The following XPNPEP2 variants were observed in gnomAD, a reference collection of about 807,000 sequenced individuals.
The protein encoded by XPNPEP2 is xaa-Pro aminopeptidase 2.
Under a neutral mutation model 59.8 loss-of-function variants are expected in XPNPEP2, and 64 were observed. The observed-to-expected ratio is 1.07, with a 90% CI of 0.87 to 1.32. The LOEUF (loss-of-function observed/expected upper bound fraction) is 1.32. XPNPEP2 is among the 40% of genes most tolerant of loss of function. The probability of loss-of-function intolerance (pLI) is 0.00; values close to 1 mark genes in which losing one functional copy is unlikely to be tolerated. For missense variants in XPNPEP2, 575 were observed against 546.8 expected, an observed-to-expected ratio of 1.05 and a Z score of -0.51; for synonymous variants, 235 against 210.0, an observed-to-expected ratio of 1.12 and a Z score of -1.03.
chrX:129,740,665 C>T (rs986153755), intron 1 of XPNPEP2, among the ~76,000 whole-genome samples: 4 of 105,599 alleles, frequency 3.8e-5, no homozygotes, highest in East Asian at 5.9e-4. Flanking sequence ...GGGCGTTGGG[C>T]GCAGTGGCTC....
At chrX:129,758,299 G>C (rs1926593572) in intron 14 of XPNPEP2, among the ~76,000 whole-genome samples, 1 of 111,631 alleles carries the variant, frequency 9.0e-6, no homozygotes, top group African/African-American at 3.3e-5. Context: ...AAGTGAATTT[G>C]TGGGGGCGTT....
At chrX:129,759,127 G>GGCCCCAGTCCCTA (rs1926609333) in intron 14 of XPNPEP2, 53 bp from the exon 15 acceptor site, 1 of 1,193,903 alleles carries the variant, frequency 8.4e-7, no homozygotes, top group Non-Finnish European at 1.1e-6. Context: ...GAAAGCACAT[G>GGCCCCAGTCCCTA]GCCCCAGTCC....
intron 12 of XPNPEP2, 56 bp from the exon 13 acceptor site, chrX:129,755,238 G>T: frequency 9.0e-7 from 1 of 1,112,842 alleles, no homozygotes; most frequent in Non-Finnish European, 1.2e-6. Context: ...GATATCCCGG[G>T]CCCAGCCTAG....
intron 20 of XPNPEP2, among the ~76,000 whole-genome samples, chrX:129,768,052 G>A (rs1926784737): frequency 9.0e-6 from 1 of 110,913 alleles, no homozygotes; most frequent in Non-Finnish European, 1.9e-5. Flanking sequence ...CCCATTCCCG[G>A]GCCTGAAATC....
chrX:129,740,472 C>T (rs1331348945), intron 1 of XPNPEP2, among the ~76,000 whole-genome samples: 1 of 108,242 alleles, frequency 9.2e-6, no homozygotes, highest in African/African-American at 3.4e-5. Flanking sequence ...ATTAAAATTA[C>T]AAAAATTAGC....
intron 3 of XPNPEP2, among the ~76,000 whole-genome samples, chrX:129,744,285 A>G (rs1328152096): frequency 8.9e-6 from 1 of 112,141 alleles, no homozygotes; most frequent in Non-Finnish European, 1.9e-5. Context: ...CCTTAACCTC[A>G]AGAAATTAAA....
At chrX:129,761,716 C>T (rs1255037678) in intron 17 of XPNPEP2, among the ~76,000 whole-genome samples, 1 of 111,599 alleles carries the variant, frequency 9.0e-6, no homozygotes, top group Non-Finnish European at 1.9e-5. Context: ...CCTGGCTACT[C>T]GGGAGGCTGA....
At position 129,747,690 on chromosome X, in the gene XPNPEP2, T is replaced by TG; in HGVS notation, c.578dup (p.Ser194IlefsTer50). 4 of 1,212,086 alleles carry TG rather than the reference T, an allele frequency of 3.3e-6. No individual in the cohort carries two copies. Among genetic ancestry groups the TG allele is most frequent in the Non-Finnish European group, 4.5e-6 (4 of 895,623 alleles). On this transcript the variant is annotated frameshift_variant, in exon 7 of 21. Transcript: ENST00000371106. LOFTEE classifies it high-confidence loss of function. ...CACAACCAATCTTGTGGACCTGGTA[T>TG]GGGGATCAGAGAGGCCACCGGTTCC...
chrX:129,751,583 AAAGAAAGAAAGAAAGGAAGG>A (rs1358171610), intron 8 of XPNPEP2, among the ~76,000 whole-genome samples, 142 bp from the exon 9 acceptor site: 202 of 73,435 alleles, frequency 2.8e-3, no homozygotes, highest in African/African-American at 0.01. Flanking sequence ...AGAAAGAAAG[AAAGAAAGAAAGAAAGGAAGG>A]AAGGAAGGAA....
Position 129,762,063 on chromosome X carries a change from T to C in XPNPEP2, c.1661T>C (p.Ile554Thr), listed in dbSNP as rs752849656. 50 of 1,209,786 alleles carry C rather than the reference T, an allele frequency of 4.1e-5. No homozygotes were observed. Among genetic ancestry groups the C allele is most frequent in the South Asian group, 5.3e-5 (3 of 56,828 alleles). The change falls in exon 18 of 21, where the codon ATT becomes ACT. Residue 554 changes from isoleucine (I) to threonine (T), a missense_variant and splice_region_variant. Ile to Thr is a moderately conservative substitution (Grantham distance 89, BLOSUM62 -1). Transcript: ENST00000371106. ...IAMAKGMFTS[I>T]EPGYYKDGEF... ...ATGGCCAAGGGCATGTTCACTTCCA[T>C]TGGTATGGCCCTCAGGCCCCTCTAC...
intron 14 of XPNPEP2, among the ~76,000 whole-genome samples, chrX:129,758,230 C>T (rs941337203): frequency 8.9e-6 from 1 of 111,889 alleles, no homozygotes; most frequent in Non-Finnish European, 1.9e-5. Context: ...AGCTTAGCAG[C>T]CTTTGCTGGT....
chrX:129,747,669 A>G lies in XPNPEP2; in HGVS notation c.553A>G (p.Thr185Ala), dbSNP rs765255847. Residue 185 changes from threonine (T) to alanine (A), a missense_variant, in exon 7 of 21, where the codon ACC becomes GCC. By Grantham distance (58) the Thr-to-Ala change is moderately conservative (BLOSUM62 0). Transcript: ENST00000371106. ...TAACAGACAGCTGGTGTCCATCACA[A>G]CCAATCTTGTGGACCTGGTATGGGG... ...GSNRQLVSITTNLVDLVWGSE... is the reference protein window; with the variant it reads ...GSNRQLVSITANLVDLVWGSE... 4.1e-6 allele frequency: 5 copies of G among 1,210,746 alleles called. No homozygotes were observed. The highest frequency in any genetic ancestry group is 4.5e-6 in the Non-Finnish European group (4 of 895,403).
intron 8 of XPNPEP2, among the ~76,000 whole-genome samples, chrX:129,751,028 C>G (rs977752747): frequency 1.8e-5 from 2 of 109,720 alleles, no homozygotes; most frequent in Non-Finnish European, 3.8e-5. Context: ...TGTGTGCTGA[C>G]TGCTAAGTAT....
At position 129,740,652 on chromosome X, in the gene XPNPEP2, G is replaced by A. The variant is rs762536263; in HGVS notation, c.49+1390G>A. Among the ~76,000 whole-genome samples the A allele has an allele frequency of 3.8e-5, 4 of 106,563 alleles. No homozygotes were observed. The South Asian group carries it at 1.6e-3, about 44-fold the overall frequency. The allele number at this position is 106,563 out of a possible 115,157, so 92.5% of individuals were successfully genotyped here. ...TCAAAAAAAAAAAAAATGCGGGCGC[G>A]GGGGGCGTTGGGCGCAGTGGCTCAC... On this transcript the variant is annotated intron_variant, in intron 1 of 20. Coordinates refer to ENST00000371106, the MANE Select transcript of XPNPEP2 (RefSeq NM_003399.6).
Position 129,756,486 on chromosome X carries a change from C to T in XPNPEP2, c.1298C>T (p.Pro433Leu), listed in dbSNP as rs1024867039. ...GLNAALAHYSPTKELNRKLSS... is the reference protein window; with the variant it reads ...GLNAALAHYSLTKELNRKLSS... ...TCAACATTCTCTCCCCTTCTCAGCC[C>T]GACCAAGGAGCTGAACCGCAAGCTG... The change falls in exon 14 of 21, where the codon CCG becomes CTG. Residue 433 changes from proline to leucine, a missense_variant and splice_region_variant. Physicochemically the swap from Pro to Leu is moderately conservative, Grantham distance 98 (BLOSUM62 -3). Transcript: ENST00000371106. The T allele has an allele frequency of 2.5e-6, 3 of 1,211,309 alleles. No individual in the cohort carries two copies. The highest frequency in any genetic ancestry group is 2.2e-6 in the Non-Finnish European group (2 of 895,242).
intron 10 of XPNPEP2, 111 bp downstream of exon 10, chrX:129,752,456 C>A (rs1926439567): frequency 1.2e-6 from 1 of 839,161 alleles, no homozygotes; most frequent in African/African-American, 2.0e-5. Flanking sequence ...ATCTGGTCAG[C>A]CAACAACTGT....
chrX:129,753,353 A>T (rs189751433), intron 11 of XPNPEP2, 105 bp downstream of exon 11: 1 of 803,725 alleles, frequency 1.2e-6, no homozygotes, highest in East Asian at 3.2e-5. Context: ...CAATGAAACA[A>T]AGAAGCAAGC....
Position 129,747,689 on chromosome X carries a change from A to G in XPNPEP2, c.573A>G (p.Val191=), listed in dbSNP as rs756817141. 2 of 1,211,965 alleles carry G rather than the reference A, an allele frequency of 1.7e-6. No individual in the cohort carries two copies. The highest frequency in any genetic ancestry group is 1.8e-5 in the South Asian group (1 of 56,994). ...TCACAACCAATCTTGTGGACCTGGT[A>G]TGGGGATCAGAGAGGCCACCGGTTC... The part of the protein sequence containing the change: ...VSITTNLVDL[V]WGSERPPVPN... The change falls in exon 7 of 21, where the codon GTA becomes GTG. Residue 191 remains valine, a synonymous_variant. Transcript: ENST00000371106.
intron 7 of XPNPEP2, among the ~76,000 whole-genome samples, chrX:129,748,450 C>A (rs913942139): frequency 6.2e-5 from 7 of 112,292 alleles, no homozygotes; most frequent in Non-Finnish European, 1.1e-4. Flanking sequence ...GGCCACCAAC[C>A]AGTCCTATCT....
Sources: allele counts gnomAD v4.1 joint callset (sites outside exome capture counted in the v4.1 genomes callset), GRCh38; gene constraint gnomAD v4.1.1; transcripts MANE v1.5; gene names NCBI Gene and HGNC (gene_info 2026-07-23, HGNC 2026-07-21).